Variants in APBB2 observed in about 807,000 individuals in gnomAD.
APBB2 encodes Fe65-like 1.
A neutral mutation model predicts 82.5 loss-of-function variants in APBB2; 38 were observed. The ratio of observed to expected loss-of-function variants is 0.46; its 90% confidence interval spans 0.36 to 0.60. The LOEUF (loss-of-function observed/expected upper bound fraction) is 0.60. Among genes scored for constraint, APBB2 ranks in the 20% least tolerant of loss-of-function variants. The probability of loss-of-function intolerance (pLI) is 0.00; values close to 1 mark genes in which losing one functional copy is unlikely to be tolerated. For missense variants in APBB2, 772 were observed against 972.3 expected, an observed-to-expected ratio of 0.79 and a Z score of 2.74; for synonymous variants, 341 against 368.2, an observed-to-expected ratio of 0.93 and a Z score of 0.85.
At chr4:41,142,714 C>T (rs1759602058) in intron 2 of APBB2, among the ~76,000 whole-genome samples, 1 of 152,106 alleles carries the variant, frequency 6.6e-6, no homozygotes, top group Admixed American at 6.5e-5. Flanking sequence ...AATATTTGTG[C>T]CAACGTCCTT....
At chr4:40,990,503 C>A (rs767938928) in intron 6 of APBB2, among the ~76,000 whole-genome samples, 21 of 152,212 alleles carry the variant, frequency 1.4e-4, no homozygotes, top group Non-Finnish European at 2.6e-4. Context: ...TTTTCACACA[C>A]ACAAGAAAGG....
In APBB2 at chr4:40,823,697, G is replaced by C; in HGVS notation, c.1879C>G (p.Leu627Val). 6.2e-7 allele frequency: 1 copy of C among 1,613,994 alleles called. No homozygotes were observed. ...LMTSSNKEDW[L>V]SVNMNVADAT... is the part of the protein sequence containing the mutation. ...TCAGCCACGTTCATGTTCACTGACA[G>C]CCAGTCCTCCTTGTTGGATGAGGTC... Residue 627 changes from leucine to valine, a missense_variant, in exon 16 of 18, where the codon CTG (leucine) becomes GTG (valine). Physicochemically the swap from Leu to Val is conservative, Grantham distance 32. Transcript: ENST00000508593.
chr4:40,953,475 A>C (rs1195334169), intron 6 of APBB2, among the ~76,000 whole-genome samples: 1 of 151,948 alleles, frequency 6.6e-6, no homozygotes, highest in Non-Finnish European at 1.5e-5. Flanking sequence ...TTGCACCGAG[A>C]TTCGCCCGCA....
chr4:40,962,298 C>T (rs1793500015), intron 6 of APBB2, among the ~76,000 whole-genome samples: 1 of 152,064 alleles, frequency 6.6e-6, no homozygotes, highest in African/African-American at 2.4e-5. Context: ...GTAATTGAGC[C>T]AAAATTCCAG....
intron 12 of APBB2, among the ~76,000 whole-genome samples, chr4:40,871,144 C>A (rs1167967655): frequency 6.6e-6 from 1 of 151,692 alleles, no homozygotes. Context: ...CTACCCCGCA[C>A]CCGTTTATTT....
At chr4:41,053,345 A>C (rs1241848227) in intron 4 of APBB2, among the ~76,000 whole-genome samples, 1 of 152,118 alleles carries the variant, frequency 6.6e-6, no homozygotes, top group African/African-American at 2.4e-5. Flanking sequence ...CCATGTGGAA[A>C]GTAATCCTGA....
chr4:41,127,926 A>G lies in APBB2; in HGVS notation c.-261+15061T>C, dbSNP rs1184587081. On this transcript the variant is annotated intron_variant, in intron 2 of 17. Transcript: ENST00000508593. This position sits in a 1 kb window ranked among gnomAD's most constrained non-coding sequence, Gnocchi z 4.8. ...GCAACCCCATCTCTACCAAAAATAT[A>G]ATAATTAGCCAGGTGTGGTGGCAAG... is the stretch of plus-strand genomic sequence containing the variant. 3.3e-5 allele frequency among the ~76,000 whole-genome samples: 5 copies of G among 152,064 alleles called. No individual in the cohort carries two copies. Among genetic ancestry groups the G allele is most frequent in the African/African-American group, 7.2e-5 (3 of 41,408 alleles).
At chr4:40,998,916 G>C (rs1804373163) in intron 6 of APBB2, among the ~76,000 whole-genome samples, 1 of 152,056 alleles carries the variant, frequency 6.6e-6, no homozygotes, top group South Asian at 2.1e-4. Flanking sequence ...CATCCTGGGC[G>C]GGATGAAGCA....
chr4:40,901,755 T>C (rs28538697), intron 10 of APBB2, among the ~76,000 whole-genome samples: 5,868 of 152,152 alleles, frequency 0.039, 368 homozygotes, highest in African/African-American at 0.13. Context: ...AGTGATCCGC[T>C]TACCCCAGCT....
At chr4:41,063,938 C>CA (rs1288768546) in intron 4 of APBB2, among the ~76,000 whole-genome samples, 1 of 145,664 alleles carries the variant, frequency 6.9e-6, no homozygotes, top group Non-Finnish European at 1.5e-5. Context: ...CTCAGCCTCC[C>CA]AAAATGCTGG....
chr4:41,194,892 A>G, intron 1 of APBB2, among the ~76,000 whole-genome samples: 9 of 152,042 alleles, frequency 5.9e-5, no homozygotes, highest in African/African-American at 1.4e-4. Context: ...TGGATCACTC[A>G]TAAGTTTTCA....
chr4:41,076,018 T>C (rs1447069696), intron 3 of APBB2, among the ~76,000 whole-genome samples: 1 of 152,088 alleles, frequency 6.6e-6, no homozygotes, highest in Non-Finnish European at 1.5e-5. Context: ...CTCCATTCCC[T>C]CCCAAAACCA....
intron 2 of APBB2, among the ~76,000 whole-genome samples, chr4:41,128,874 C>T (rs1032391622): frequency 2.6e-5 from 4 of 152,186 alleles, no homozygotes; most frequent in Non-Finnish European, 5.9e-5. Flanking sequence ...CTTCACATCC[C>T]TCCTGAGATC....
chr4:40,980,017 T>C (rs1798094414), intron 6 of APBB2, among the ~76,000 whole-genome samples: 1 of 152,166 alleles, frequency 6.6e-6, no homozygotes, highest in African/African-American at 2.4e-5. Flanking sequence ...ATTTCACCAC[T>C]AGCTGGAATT....
chr4:41,158,446 C>T (rs1280831017), intron 1 of APBB2, among the ~76,000 whole-genome samples: 1 of 152,186 alleles, frequency 6.6e-6, no homozygotes, highest in East Asian at 1.9e-4. Context: ...TAGCTCTATG[C>T]TACAGTGGCA....
At chr4:41,085,861 A>G (rs1173054236) in intron 3 of APBB2, among the ~76,000 whole-genome samples, 1 of 152,188 alleles carries the variant, frequency 6.6e-6, no homozygotes, top group Non-Finnish European at 1.5e-5. Context: ...TAAGTTATAA[A>G]TGAAAGTCAT....
At chr4:41,112,478 G>A (rs1041073603) in intron 2 of APBB2, among the ~76,000 whole-genome samples, 1 of 152,192 alleles carries the variant, frequency 6.6e-6, no homozygotes, top group Admixed American at 6.5e-5. Flanking sequence ...CACACTCTGC[G>A]TTCTACTCCT....
chr4:40,997,815 G>A lies in APBB2; in HGVS notation c.835+15768C>T, dbSNP rs980108151. On this transcript the variant is annotated intron_variant, in intron 6 of 17. Transcript: ENST00000508593. Reference sequence around the variant, plus strand: ...CCCAATGTAATAACGTCCTTGAAGCGGTAAAAATTATTAATTTTATTAAAT... The same window carrying A: ...CCCAATGTAATAACGTCCTTGAAGCAGTAAAAATTATTAATTTTATTAAAT... Among the ~76,000 whole-genome samples the A allele has an allele frequency of 5.3e-5, 8 of 152,050 alleles. No homozygotes were observed. In the South Asian group the frequency reaches 8.3e-4, roughly 16 times the overall value.
chr4:40,898,842 A>AAC (rs1230808118), intron 10 of APBB2, among the ~76,000 whole-genome samples: 1 of 108,500 alleles, frequency 9.2e-6, no homozygotes, highest in Non-Finnish European at 1.8e-5. Flanking sequence ...AGAAAAAAGA[A>AAC]ACACACACAC....
Sources: allele counts gnomAD v4.1 joint callset (sites outside exome capture counted in the v4.1 genomes callset), GRCh38; gene constraint gnomAD v4.1.1; non-coding constraint Gnocchi (gnomAD v3.1); transcripts MANE v1.5; gene names NCBI Gene and HGNC (gene_info 2026-07-23, HGNC 2026-07-21).